Variants in GRM3 observed in about 807,000 individuals in gnomAD.
GRM3 encodes glutamate metabotropic receptor 3.
Under a neutral mutation model 70.5 loss-of-function variants are expected in GRM3, and 26 were observed. The observed-to-expected ratio is 0.37, with a 90% confidence interval of 0.27 to 0.51. The LOEUF is 0.51. GRM3 is among the 20% of genes least tolerant of loss of function. The pLI is 0.93. For missense variants in GRM3, 859 were observed against 1,123.8 expected, an observed-to-expected ratio of 0.76 and a Z score of 3.37; for synonymous variants, 443 against 434.9, an observed-to-expected ratio of 1.02 and a Z score of -0.23.
At chr7:86,782,470 C>T (rs1797096891) in intron 2 of GRM3, among the ~76,000 whole-genome samples, 1 of 152,078 alleles carries the variant, frequency 6.6e-6, no homozygotes, top group South Asian at 2.1e-4. Context: ...TTCTTTTATT[C>T]ATATAGAACC....
At chr7:86,796,094 T>A (rs1797542663) in intron 3 of GRM3, among the ~76,000 whole-genome samples, 1 of 152,190 alleles carries the variant, frequency 6.6e-6, no homozygotes, top group African/African-American at 2.4e-5. Context: ...ATTTTTGCTT[T>A]TGTGGCAATT....
rs188347073 is a variant in GRM3, at chr7:86,861,028, G to A, written c.2567-3254G>A. ...TAAAATTTCATTTTTAGCATGCACA[G>A]AAATAATACAACTTGATCCTGGAAA... On this transcript the variant is annotated intron_variant, in intron 5 of 5. Transcript: ENST00000361669. Among the ~76,000 whole-genome samples the A allele has an allele frequency of 6.7e-4, 102 of 152,274 alleles. 1 individual carries two copies. Among genetic ancestry groups the A allele is most frequent in the Admixed American group, 5.4e-3 (83 of 15,284 alleles).
In GRM3 at chr7:86,786,511, G is replaced by T. The variant is rs1253540778; in HGVS notation, c.719G>T (p.Cys240Phe). ...CAGGAAGCCCGCCTGCGCAACATCT[G>T]CATCGCTACGGCGGAGAAGGTGGGC... is the stretch of plus-strand genomic sequence containing the variant. ...FEQEARLRNICIATAEKVGRS... is the reference protein window; with the variant it reads ...FEQEARLRNIFIATAEKVGRS... The change falls in exon 3 of 6, where the codon TGC (cysteine) becomes TTC (phenylalanine). Residue 240 changes from cysteine (C) to phenylalanine (F), a missense_variant. Transcript: ENST00000361669. The surrounding 1 kb of genome is among the most constrained non-coding windows in gnomAD (Gnocchi z 6.0). The T allele has an allele frequency of 6.2e-7, 1 of 1,614,056 alleles. No individual in the cohort carries two copies. The highest frequency in any genetic ancestry group is 1.3e-5 in the African/African-American group (1 of 74,952).
chr7:86,713,494 C>A (rs950221923), intron 1 of GRM3, among the ~76,000 whole-genome samples: 4 of 151,908 alleles, frequency 2.6e-5, no homozygotes, highest in African/African-American at 9.7e-5. Flanking sequence ...CCCATGAAAG[C>A]CCCATATTTT....
At chr7:86,851,714 A>G (rs964721905) in intron 5 of GRM3, among the ~76,000 whole-genome samples, 1 of 152,142 alleles carries the variant, frequency 6.6e-6, no homozygotes, top group African/African-American at 2.4e-5. Flanking sequence ...GCACATGTTC[A>G]TGGATAGGCT....
At chr7:86,792,354 G>C (rs970186) in intron 3 of GRM3, among the ~76,000 whole-genome samples, 41,217 of 152,052 alleles carry the variant, frequency 0.27, 5,852 homozygotes, top group Middle Eastern at 0.35. Context: ...GTGGTAACTG[G>C]AGTATACCCA....
At chr7:86,705,893 C>A (rs367801734) in intron 1 of GRM3, among the ~76,000 whole-genome samples, 2 of 146,606 alleles carry the variant, frequency 1.4e-5, no homozygotes, top group East Asian at 3.9e-4. Flanking sequence ...CAAGATTATG[C>A]TGATGAAGTT....
chr7:86,806,235 ATGAT>A (rs936059729), intron 3 of GRM3, among the ~76,000 whole-genome samples: 17 of 152,220 alleles, frequency 1.1e-4, no homozygotes, highest in African/African-American at 3.6e-4. Context: ...ATATTGCAGC[ATGAT>A]TTATAATCCT....
rs980299010 is a variant in GRM3 at position 86,786,060 on chromosome 7, TG to T, written c.469-200del. 10 of 612,656 alleles carry T rather than the reference TG, an allele frequency of 1.6e-5. No homozygotes were observed. Among genetic ancestry groups the T allele is most frequent in the Admixed American group, 1.0e-4 (4 of 39,526 alleles). The allele number at this position is 612,656 out of a possible 1,614,324, so 38.0% of individuals were successfully genotyped here. On this transcript the variant is annotated intron_variant, in intron 2 of 5. Transcript: ENST00000361669. The surrounding 1 kb of genome is among the most constrained non-coding windows in gnomAD (Gnocchi z 6.0). ...CCTTTCCTGAAGCACACACTACCTG[TG>T]TGAGACCTGCTTCCTAGTGTCCAAA...
At position 86,786,089 on chromosome 7, in the gene GRM3, A is replaced by T. The variant is rs916680510; in HGVS notation, c.469-172A>T. The stretch of plus-strand genomic sequence containing the variant: ...AGACCTGCTTCCTAGTGTCCAAAAT[A>T]CAGTATCCAAGGAAGCATCTGGTAT... On this transcript the variant is annotated intron_variant, in intron 2 of 5. Coordinates refer to ENST00000361669, the MANE Select transcript of GRM3 (RefSeq NM_000840.3). The surrounding 1 kb of genome is among the most constrained non-coding windows in gnomAD (Gnocchi z 6.0). 6.0e-6 allele frequency: 4 copies of T among 662,408 alleles called. No homozygotes were observed. Among genetic ancestry groups the T allele is most frequent in the Non-Finnish European group, 1.1e-5 (4 of 373,612 alleles). 41.0% of individuals were successfully genotyped at this position (662,408 alleles called of 1,614,324 possible).
intron 1 of GRM3, among the ~76,000 whole-genome samples, chr7:86,693,170 T>C (rs1415294467): frequency 6.6e-6 from 1 of 152,240 alleles, no homozygotes; most frequent in Non-Finnish European, 1.5e-5. Context: ...TGTGAGACTC[T>C]ATACCAGGCA....
intron 1 of GRM3, among the ~76,000 whole-genome samples, chr7:86,674,206 G>C (rs912665588): frequency 6.6e-6 from 1 of 152,018 alleles, no homozygotes; most frequent in Non-Finnish European, 1.5e-5. Flanking sequence ...ATGTCATCTG[G>C]AGGCTTGACC....
intron 1 of GRM3, among the ~76,000 whole-genome samples, chr7:86,680,711 A>G (rs567429322): frequency 6.6e-6 from 1 of 152,278 alleles, no homozygotes; most frequent in East Asian, 1.9e-4. Context: ...CAAGAACTGT[A>G]TAAATAAGAA....
chr7:86,863,533 C>A (rs370844045), intron 5 of GRM3, among the ~76,000 whole-genome samples: 1 of 152,148 alleles, frequency 6.6e-6, no homozygotes, highest in Non-Finnish European at 1.5e-5. Context: ...TTTGGAATAT[C>A]TTTTCTGAGA....
chr7:86,667,440 T>C (rs2115879007), intron 1 of GRM3, among the ~76,000 whole-genome samples: 1 of 152,272 alleles, frequency 6.6e-6, no homozygotes, highest in Non-Finnish European at 1.5e-5. Context: ...TTTTCTGATT[T>C]TATCAAGTAG....
chr7:86,838,812 T>A, intron 3 of GRM3, 27 bp from the exon 4 acceptor site: 1 of 1,365,934 alleles, frequency 7.3e-7, no homozygotes, highest in Non-Finnish European at 1.0e-6. Context: ...AAGTGTTCTT[T>A]TTTTTCTTTC....
chr7:86,722,551 A>T (rs1056455992), intron 1 of GRM3, among the ~76,000 whole-genome samples: 13 of 145,844 alleles, frequency 8.9e-5, no homozygotes, highest in African/African-American at 2.8e-4. Flanking sequence ...GAGTTGAACA[A>T]TGAAAACACA....
chr7:86,770,774 C>T (rs2116441202), intron 2 of GRM3, among the ~76,000 whole-genome samples: 1 of 152,146 alleles, frequency 6.6e-6, no homozygotes, highest in East Asian at 1.9e-4. Flanking sequence ...AGTGTAATAG[C>T]CTTCATATAG....
At position 86,727,465 on chromosome 7, in the gene GRM3, T is replaced by C. The variant is rs558780259; in HGVS notation, c.-140-37541T>C. Among the ~76,000 whole-genome samples the C allele has an allele frequency of 5.8e-4, 88 of 152,336 alleles. 1 individual carries two copies. Among genetic ancestry groups the C allele is most frequent in the Non-Finnish European group, 9.4e-4 (64 of 68,022 alleles). On this transcript the variant is annotated intron_variant, in intron 1 of 5. Coordinates refer to ENST00000361669, the MANE Select transcript of GRM3 (RefSeq NM_000840.3). Reference sequence around the variant, plus strand: ...AGTCTCTGTTTCTGTCAGCCTATTATAGCTGAGCATAAAGCTCTTCTGGCA... The same window carrying C: ...AGTCTCTGTTTCTGTCAGCCTATTACAGCTGAGCATAAAGCTCTTCTGGCA...
Sources: gnomAD v4.1 joint callset for allele counts (sites outside exome capture counted in the v4.1 genomes callset) on GRCh38, gnomAD v4.1.1 for gene constraint, Gnocchi (gnomAD v3.1) non-coding constraint, MANE v1.5 for transcripts, NCBI Gene and HGNC (gene_info 2026-07-23, HGNC 2026-07-21) for gene names.